The following PCDH11X variants were observed in gnomAD, a reference collection of about 807,000 sequenced individuals.
PCDH11X encodes the protein protocadherin 11 X-linked.
In PCDH11X, 18 loss-of-function variants were observed where a neutral mutation model predicts 53.3. That is an observed-to-expected ratio of 0.34 (90% CI 0.23 to 0.50). PCDH11X has a LOEUF of 0.50. Among genes scored for constraint, PCDH11X ranks in the 20% least tolerant of loss-of-function variants. PCDH11X has a pLI of 0.98. For missense variants in PCDH11X, 570 were observed against 1,032.4 expected, an observed-to-expected ratio of 0.55 and a Z score of 6.14; for synonymous variants, 279 against 393.3, an observed-to-expected ratio of 0.71 and a Z score of 3.44.
intron 5 of PCDH11X, among the ~76,000 whole-genome samples, chrX:91,841,342 G>A (rs867846817): frequency 9.0e-6 from 1 of 111,567 alleles, no homozygotes; most frequent in Non-Finnish European, 1.9e-5. Flanking sequence ...CTTATGGAAC[G>A]TAAGTTGGAC....
intron 7 of PCDH11X, among the ~76,000 whole-genome samples, chrX:92,261,876 C>A (rs1296784679): frequency 9.0e-6 from 1 of 111,301 alleles, no homozygotes; most frequent in African/African-American, 3.3e-5. Flanking sequence ...AAGGCATTAT[C>A]CTCAGGCTAT....
chrX:92,579,365 C>A (rs907347631), intron 10 of PCDH11X, among the ~76,000 whole-genome samples: 33 of 108,324 alleles, frequency 3.0e-4, no homozygotes, highest in African/African-American at 1.0e-3. Flanking sequence ...CATTTCCCTC[C>A]TCTCTTTCAG....
At chrX:91,948,398 G>A (rs1602544839) in intron 6 of PCDH11X, among the ~76,000 whole-genome samples, 1 of 108,757 alleles carries the variant, frequency 9.2e-6, no homozygotes, top group Non-Finnish European at 1.9e-5. Context: ...AGCTTATCTC[G>A]GCGTGCTAGG....
intron 1 of PCDH11X, among the ~76,000 whole-genome samples, chrX:91,791,857 AT>A (rs755996100): frequency 0.22 from 17,647 of 82,048 alleles, 1,540 homozygotes; most frequent in East Asian, 0.33. Context: ...CGATCAGTAC[AT>A]TTTTTTTTTT....
intron 6 of PCDH11X, among the ~76,000 whole-genome samples, chrX:91,981,438 A>T (rs2062136628): frequency 1.8e-5 from 2 of 110,712 alleles, no homozygotes; most frequent in Admixed American, 2.0e-4. Context: ...ACAATGATGC[A>T]GTATCTGATT....
chrX:92,303,812 G>C (rs1472740196), intron 8 of PCDH11X, among the ~76,000 whole-genome samples: 1 of 109,739 alleles, frequency 9.1e-6, no homozygotes, highest in Non-Finnish European at 1.9e-5. Flanking sequence ...GCTAATGGTT[G>C]AATTACAGTC....
At chrX:92,385,252 G>A (rs1379558512) in intron 8 of PCDH11X, among the ~76,000 whole-genome samples, 1 of 101,053 alleles carries the variant, frequency 9.9e-6, no homozygotes, top group African/African-American at 3.6e-5. Flanking sequence ...GGTAATCCAT[G>A]TATTTTAATG....
At chrX:92,470,008 TAAC>T (rs2073230631) in intron 10 of PCDH11X, among the ~76,000 whole-genome samples, 1 of 109,206 alleles carries the variant, frequency 9.2e-6, no homozygotes, top group Middle Eastern at 4.4e-3. Flanking sequence ...ATGAATATCT[TAAC>T]AATATTTATT....
chrX:92,076,477 C>T (rs1233903595), intron 6 of PCDH11X, among the ~76,000 whole-genome samples: 1 of 107,034 alleles, frequency 9.3e-6, no homozygotes, highest in Non-Finnish European at 1.9e-5. Context: ...AATAGTTTCT[C>T]TGTTGGGTTT....
At chrX:92,088,823 T>G (rs989337442) in intron 6 of PCDH11X, among the ~76,000 whole-genome samples, 1 of 111,476 alleles carries the variant, frequency 9.0e-6, no homozygotes, top group East Asian at 2.8e-4. Context: ...TGGAGACTAT[T>G]GTAGTGTCCT....
chrX:92,330,683 A>C (rs1190578870), intron 8 of PCDH11X, among the ~76,000 whole-genome samples: 1 of 111,566 alleles, frequency 9.0e-6, no homozygotes, highest in Non-Finnish European at 1.9e-5. Flanking sequence ...AGTAAAATTA[A>C]TAAACAAATT....
At chrX:92,121,125 C>G (rs1474687586) in intron 6 of PCDH11X, among the ~76,000 whole-genome samples, 2 of 109,268 alleles carry the variant, frequency 1.8e-5, no homozygotes, top group Non-Finnish European at 3.8e-5. Context: ...TTAATCATAG[C>G]TTCTAAAATT....
At chrX:92,181,205 T>C (rs1433156109) in intron 6 of PCDH11X, among the ~76,000 whole-genome samples, 1 of 111,623 alleles carries the variant, frequency 9.0e-6, no homozygotes, top group Non-Finnish European at 1.9e-5. Flanking sequence ...AGTCTTGTTA[T>C]GCCTTAGCAA....
intron 7 of PCDH11X, among the ~76,000 whole-genome samples, chrX:92,219,267 G>C (rs1408926123): frequency 9.0e-6 from 1 of 110,514 alleles, no homozygotes; most frequent in East Asian, 2.9e-4. Context: ...GTCCCTGTTT[G>C]CAGATGACAT....
intron 7 of PCDH11X, among the ~76,000 whole-genome samples, chrX:92,207,920 G>A (rs184313570): frequency 3.4e-4 from 38 of 111,407 alleles, no homozygotes; most frequent in South Asian, 1.1e-3. Context: ...TTCTTGGCTG[G>A]GGGTGGTGGC....
chrX:92,102,118 G>T (rs190740940), intron 6 of PCDH11X, among the ~76,000 whole-genome samples: 6 of 111,132 alleles, frequency 5.4e-5, no homozygotes, highest in African/African-American at 1.6e-4. Flanking sequence ...GAATAATGTG[G>T]GAGGCCAGAT....
chrX:92,414,076 T>C (rs2071750835), intron 9 of PCDH11X, among the ~76,000 whole-genome samples: 1 of 108,981 alleles, frequency 9.2e-6, no homozygotes, highest in Non-Finnish European at 1.9e-5. Context: ...CAATATCAGG[T>C]ACTTGGTTAA....
chrX:92,394,084 G>A (rs2071192665), intron 9 of PCDH11X, among the ~76,000 whole-genome samples: 2 of 110,879 alleles, frequency 1.8e-5, no homozygotes, highest in Non-Finnish European at 3.8e-5. Flanking sequence ...ATTGAAAAAT[G>A]ACTGCTAATT....
At chrX:92,129,494 G>A (rs1012268991) in intron 6 of PCDH11X, among the ~76,000 whole-genome samples, 5 of 112,036 alleles carry the variant, frequency 4.5e-5, no homozygotes, top group African/African-American at 1.6e-4. Context: ...AAACTGAAAA[G>A]CATACAAATT....
Sources: allele counts gnomAD v4.1 joint callset (sites outside exome capture counted in the v4.1 genomes callset), GRCh38; gene constraint gnomAD v4.1.1; transcripts MANE v1.5; gene names NCBI Gene and HGNC (gene_info 2026-07-23, HGNC 2026-07-21).